PDS5B: variants seen among roughly 807,000 people sequenced by gnomAD.
PDS5B encodes sister chromatid cohesion protein PDS5 homolog B.
In PDS5B, 51 loss-of-function variants were observed where a neutral mutation model predicts 184.1. That is an observed-to-expected ratio of 0.28 (90% CI 0.22 to 0.35). PDS5B has a LOEUF of 0.35. Among genes scored for constraint, PDS5B ranks in the 10% least tolerant of loss-of-function variants. The pLI is 1.00. For missense variants in PDS5B, 1,180 were observed against 1,723.3 expected (o/e 0.68, Z 5.58); for synonymous variants, 566 against 569.2 (o/e 0.99, Z 0.08).
At chr13:32,707,153 T>C in intron 18 of PDS5B, 114 bp downstream of exon 18, 1 of 542,008 alleles carries the variant, frequency 1.8e-6, no homozygotes, top group Non-Finnish European at 3.2e-6. Flanking sequence ...AAGTAAAATT[T>C]TCTCAGTTGT....
chr13:32,648,528 TAAC>T (rs1382536320), intron 1 of PDS5B, among the ~76,000 whole-genome samples: 18 of 152,260 alleles, frequency 1.2e-4, no homozygotes, highest in African/African-American at 4.3e-4. Flanking sequence ...TTAGGACAAA[TAAC>T]AAAGCTTGCC....
chr13:32,631,840 TTG>T (rs143586416), intron 1 of PDS5B, among the ~76,000 whole-genome samples: 1,583 of 152,322 alleles, frequency 0.01, 38 homozygotes, highest in African/African-American at 0.036. Context: ...TTTTCTAAAC[TTG>T]TCTGACCATA....
chr13:32,636,502 A>C (rs2058562364), intron 1 of PDS5B, among the ~76,000 whole-genome samples: 1 of 152,216 alleles, frequency 6.6e-6, no homozygotes. Context: ...CAGAGATGGA[A>C]AACCATTAGG....
chr13:32,679,258 T>A (rs529959596), intron 10 of PDS5B, among the ~76,000 whole-genome samples: 1 of 152,160 alleles, frequency 6.6e-6, no homozygotes, highest in South Asian at 2.1e-4. Context: ...CAAGACCTGT[T>A]CAAATCCAAA....
chr13:32,626,144 AC>A (rs1413821977), intron 1 of PDS5B, among the ~76,000 whole-genome samples: 2 of 152,102 alleles, frequency 1.3e-5, no homozygotes, highest in Non-Finnish European at 2.9e-5. Context: ...CCAGCCCCAG[AC>A]CAGTATTCAA....
chr13:32,754,946 A>G (rs1384548333), intron 25 of PDS5B, among the ~76,000 whole-genome samples: 1 of 152,194 alleles, frequency 6.6e-6, no homozygotes, highest in African/African-American at 2.4e-5. Flanking sequence ...GGAACATAGT[A>G]AACAGTCAAT....
At chr13:32,632,269 A>G (rs2058468992) in intron 1 of PDS5B, among the ~76,000 whole-genome samples, 7 of 152,230 alleles carry the variant, frequency 4.6e-5, no homozygotes, top group Admixed American at 4.6e-4. Context: ...TGCAAGTCAT[A>G]TCTTTAACAA....
intron 8 of PDS5B, among the ~76,000 whole-genome samples, chr13:32,674,432 C>G (rs1361997461): frequency 6.6e-6 from 1 of 152,066 alleles, no homozygotes; most frequent in African/African-American, 2.4e-5. Flanking sequence ...AATTAACTGG[C>G]CTTCCTGTCC....
At chr13:32,647,860 A>G (rs1950267382) in intron 1 of PDS5B, among the ~76,000 whole-genome samples, 1 of 152,078 alleles carries the variant, frequency 6.6e-6, no homozygotes, top group Non-Finnish European at 1.5e-5. Context: ...TTGACTTGAT[A>G]CTTGCTCATT....
At chr13:32,701,845 C>A (rs1951871811) in intron 17 of PDS5B, among the ~76,000 whole-genome samples, 1 of 151,932 alleles carries the variant, frequency 6.6e-6, no homozygotes. Flanking sequence ...GAATCTGTTG[C>A]AAAGGAACAA....
chr13:32,684,054 T>C (rs766895350), intron 11 of PDS5B, 31 bp downstream of exon 11: 51 of 1,161,666 alleles, frequency 4.4e-5, no homozygotes, highest in Non-Finnish European at 1.2e-6. Context: ...ATTACTAAGT[T>C]TTCATTTTTA....
chr13:32,765,730 G>C (rs746367909), intron 31 of PDS5B, among the ~76,000 whole-genome samples: 6 of 152,070 alleles, frequency 3.9e-5, no homozygotes, highest in African/African-American at 4.8e-5. Flanking sequence ...CACCCTCCTG[G>C]GTAACTGGGA....
chr13:32,620,617 A>G (rs953758933), intron 1 of PDS5B, among the ~76,000 whole-genome samples: 1 of 149,868 alleles, frequency 6.7e-6, no homozygotes, highest in Admixed American at 6.7e-5. Flanking sequence ...AGATTGTGCC[A>G]CTGCACTCCA....
In PDS5B at chr13:32,770,555, G is replaced by T. The variant is rs1954746967; in HGVS notation, c.4059G>T (p.Gln1353His). The T allele has an allele frequency of 6.2e-7, 1 of 1,604,186 alleles. No individual in the cohort carries two copies. Among genetic ancestry groups the T allele is most frequent in the African/African-American group, 1.4e-5 (1 of 73,998 alleles). The change falls in exon 32 of 35, where the codon CAG (glutamine) becomes CAT (histidine). Residue 1353 changes from glutamine to histidine, a missense_variant. Physicochemically the swap from Gln to His is conservative, Grantham distance 24. Coordinates refer to ENST00000315596, the MANE Select transcript of PDS5B (RefSeq NM_015032.4). ...SKQHRVSRRA[Q>H]QRAESPESSA... The stretch of plus-strand genomic sequence containing the variant: ...AGCACCGAGTGTCAAGGAGAGCACA[G>T]CAGAGGTAAGCATGTGTAACTCTAA...
At chr13:32,612,546 A>G (rs966713429) in intron 1 of PDS5B, among the ~76,000 whole-genome samples, 2 of 152,180 alleles carry the variant, frequency 1.3e-5, no homozygotes, top group African/African-American at 4.8e-5. Flanking sequence ...CTCTTAGCCA[A>G]TGCCGTCTGC....
chr13:32,669,130 A>G (rs1183108544), intron 7 of PDS5B, among the ~76,000 whole-genome samples: 1 of 152,158 alleles, frequency 6.6e-6, no homozygotes, highest in Non-Finnish European at 1.5e-5. Flanking sequence ...TGGCACTTGA[A>G]GTGTGTAGAC....
chr13:32,668,220 T>G (rs1201201359), intron 7 of PDS5B, among the ~76,000 whole-genome samples: 1 of 152,136 alleles, frequency 6.6e-6, no homozygotes, highest in African/African-American at 2.4e-5. Flanking sequence ...TTAAATTGAT[T>G]TGTACAAGAA....
intron 31 of PDS5B, among the ~76,000 whole-genome samples, chr13:32,769,137 ATAATAT>A (rs146700178): frequency 0.016 from 2,360 of 151,842 alleles, 66 homozygotes; most frequent in African/African-American, 0.054. Context: ...ATAATAAAAG[ATAATAT>A]TAATAATAAA....
intron 1 of PDS5B, among the ~76,000 whole-genome samples, chr13:32,612,978 T>C (rs531402949): frequency 1.3e-5 from 2 of 152,266 alleles, no homozygotes; most frequent in Non-Finnish European, 2.9e-5. Context: ...TTGCCTATTC[T>C]GAACATTGCG....
Sources: allele counts gnomAD v4.1 joint callset (sites outside exome capture counted in the v4.1 genomes callset), GRCh38; gene constraint gnomAD v4.1.1; transcripts MANE v1.5; gene names NCBI Gene and HGNC (gene_info 2026-07-23, HGNC 2026-07-21).